TMEM132C: variants seen among roughly 807,000 people sequenced by gnomAD.
TMEM132C encodes the protein transmembrane protein 132C.
A neutral mutation model predicts 61.4 loss-of-function variants in TMEM132C; 29 were observed. The ratio of observed to expected loss-of-function variants is 0.47; its 90% CI spans 0.35 to 0.64. The LOEUF (loss-of-function observed/expected upper bound fraction) is 0.64. Ranked by LOEUF, TMEM132C falls within the 30% of genes least tolerant of loss-of-function variation. The pLI is 0.00. For synonymous variants in TMEM132C, 656 were observed against 633.1 expected, an observed-to-expected ratio of 1.04 and a Z score of -0.54; for missense variants, 1,408 against 1,476.9, an observed-to-expected ratio of 0.95 and a Z score of 0.76.
chr12:128,705,349 A>G lies in TMEM132C; in HGVS notation c.2381A>G (p.Asn794Ser). Reference sequence around the variant, plus strand: ...AGCATCCTGGCTGTGGGCGTCGGCAACGTCAGGGTCAAGTTCGGACAGAAC... The same window carrying G: ...AGCATCCTGGCTGTGGGCGTCGGCAGCGTCAGGGTCAAGTTCGGACAGAAC... ...RKSILAVGVGNVRVKFGQNDA... is the reference protein window; with the variant it reads ...RKSILAVGVGSVRVKFGQNDA... The change falls in exon 9 of 9, where the codon AAC becomes AGC. Residue 794 changes from asparagine (N) to serine (S), a missense_variant. Coordinates refer to ENST00000435159, the MANE Select transcript of TMEM132C (RefSeq NM_001136103.3). 1 of 1,551,464 alleles carries G rather than the reference A, an allele frequency of 6.4e-7. No individual in the cohort carries two copies. The highest frequency in any genetic ancestry group is 2.0e-5 in the Admixed American group (1 of 51,008).
chr12:128,501,192 C>T (rs1872165327), intron 2 of TMEM132C, among the ~76,000 whole-genome samples: 1 of 152,112 alleles, frequency 6.6e-6, no homozygotes, highest in Admixed American at 6.5e-5. Context: ...TCCATGGTAC[C>T]ATAGGTGGCT....
intron 2 of TMEM132C, among the ~76,000 whole-genome samples, chr12:128,463,696 C>T (rs913764998): frequency 1.3e-5 from 2 of 152,188 alleles, no homozygotes; most frequent in African/African-American, 2.4e-5. Flanking sequence ...GTTCCTCTCC[C>T]ATCTCGGTGT....
chr12:128,370,654 A>G (rs182573078), intron 1 of TMEM132C, among the ~76,000 whole-genome samples: 1 of 152,136 alleles, frequency 6.6e-6, no homozygotes, highest in East Asian at 2.0e-4. Context: ...TCTCTCCTCC[A>G]ACCTTCTGAT....
At chr12:128,300,766 G>A (rs1056244987) in intron 1 of TMEM132C, among the ~76,000 whole-genome samples, 4 of 152,168 alleles carry the variant, frequency 2.6e-5, no homozygotes, top group African/African-American at 9.7e-5. Context: ...GCTGTGCATC[G>A]TGGCTCAATC....
intron 2 of TMEM132C, among the ~76,000 whole-genome samples, chr12:128,433,902 G>C (rs765711225): frequency 2.0e-5 from 3 of 152,274 alleles, no homozygotes; most frequent in Non-Finnish European, 2.9e-5. Context: ...AAAAGACAGA[G>C]ATGGAACTAA....
intron 2 of TMEM132C, among the ~76,000 whole-genome samples, chr12:128,516,270 G>A (rs1174192464): frequency 6.6e-6 from 1 of 152,220 alleles, no homozygotes; most frequent in Admixed American, 6.5e-5. Context: ...ACGGGAGGCT[G>A]GATAAACCTG....
At chr12:128,507,584 C>T (rs1872418118) in intron 2 of TMEM132C, among the ~76,000 whole-genome samples, 1 of 151,946 alleles carries the variant, frequency 6.6e-6, no homozygotes, top group African/African-American at 2.4e-5. Context: ...CCGTGAGTCC[C>T]AACATGACGG....
rs1176146541 is a variant in TMEM132C, at chr12:128,348,207, G to A, written c.86-66525G>A. 2.0e-5 allele frequency among the ~76,000 whole-genome samples: 3 copies of A among 152,098 alleles called. No homozygotes were observed. In the East Asian group the frequency reaches 5.8e-4, roughly 29 times the overall value. ...TATTATTCTTCAGGCTGTGGTAAAT[G>A]GAATTATTTTCTTCATTTCATTTTG... On this transcript the variant is annotated intron_variant, in intron 1 of 8. Coordinates refer to ENST00000435159, the MANE Select transcript of TMEM132C (RefSeq NM_001136103.3).
At chr12:128,576,747 G>T (rs1875112039) in intron 3 of TMEM132C, among the ~76,000 whole-genome samples, 2 of 152,344 alleles carry the variant, frequency 1.3e-5, no homozygotes, top group South Asian at 4.1e-4. Context: ...TTGAAGGCAG[G>T]ATTCTGACTC....
chr12:128,423,691 G>T (rs148874932), intron 2 of TMEM132C, among the ~76,000 whole-genome samples: 1 of 151,892 alleles, frequency 6.6e-6, no homozygotes, highest in East Asian at 1.9e-4. Context: ...GCAACATAGC[G>T]AGACCCTGTC....
chr12:128,426,182 A>G (rs1204663734), intron 2 of TMEM132C, among the ~76,000 whole-genome samples: 2 of 152,200 alleles, frequency 1.3e-5, no homozygotes, highest in Non-Finnish European at 2.9e-5. Flanking sequence ...CCGCCGGAGG[A>G]GTCTAGACCG....
intron 3 of TMEM132C, among the ~76,000 whole-genome samples, chr12:128,559,023 G>C (rs12311991): frequency 0.011 from 1,677 of 152,180 alleles, 28 homozygotes; most frequent in African/African-American, 0.038. Context: ...CAGCCACCCA[G>C]TGCAAGCCCC....
At chr12:128,308,360 T>C (rs970746604) in intron 1 of TMEM132C, among the ~76,000 whole-genome samples, 1 of 151,540 alleles carries the variant, frequency 6.6e-6, no homozygotes, top group African/African-American at 2.4e-5. Flanking sequence ...GTTTTTTTTT[T>C]CTTTTATTTC....
At chr12:128,293,081 C>A (rs901573052) in intron 1 of TMEM132C, among the ~76,000 whole-genome samples, 1 of 152,078 alleles carries the variant, frequency 6.6e-6, no homozygotes, top group Non-Finnish European at 1.5e-5. Flanking sequence ...TTTTTGTGAA[C>A]GGTAAGGAGT....
At chr12:128,655,554 G>C (rs542467460) in intron 4 of TMEM132C, among the ~76,000 whole-genome samples, 1 of 151,830 alleles carries the variant, frequency 6.6e-6, no homozygotes, top group African/African-American at 2.4e-5. Flanking sequence ...TAACTAGTAT[G>C]CCTTGAATTG....
chr12:128,517,289 TAGCC>T (rs1223282830), intron 2 of TMEM132C, among the ~76,000 whole-genome samples: 1 of 149,818 alleles, frequency 6.7e-6, no homozygotes, highest in Non-Finnish European at 1.5e-5. Context: ...TACAAAAAAT[TAGCC>T]AGGCAGGGTG....
intron 3 of TMEM132C, among the ~76,000 whole-genome samples, chr12:128,615,324 A>G (rs1433821193): frequency 6.6e-6 from 1 of 152,178 alleles, no homozygotes; most frequent in Admixed American, 6.5e-5. Flanking sequence ...GGATGATTCA[A>G]GTACATTACA....
At chr12:128,444,421 G>A (rs954906611) in intron 2 of TMEM132C, among the ~76,000 whole-genome samples, 4 of 152,322 alleles carry the variant, frequency 2.6e-5, no homozygotes, top group East Asian at 1.9e-4. Flanking sequence ...AAGGGTCTGC[G>A]TCCAGAGGGG....
At chr12:128,696,392 TC>T (rs1954764389) in intron 7 of TMEM132C, among the ~76,000 whole-genome samples, 1 of 152,166 alleles carries the variant, frequency 6.6e-6, no homozygotes, top group South Asian at 2.1e-4. Flanking sequence ...TCCTTCTTAG[TC>T]CACACTTTTC....
Sources: allele counts gnomAD v4.1 joint callset (sites outside exome capture counted in the v4.1 genomes callset), GRCh38; gene constraint gnomAD v4.1.1; transcripts MANE v1.5; gene names NCBI Gene and HGNC (gene_info 2026-07-23, HGNC 2026-07-21).